USP10: variants seen among roughly 807,000 people sequenced by gnomAD.
USP10 encodes the protein ubiquitin carboxyl-terminal hydrolase 10.
Under a neutral mutation model 84.5 loss-of-function variants are expected in USP10, and 22 were observed. That is an observed-to-expected ratio of 0.26 (90% CI 0.19 to 0.37). USP10 has a LOEUF of 0.37. Among genes scored for constraint, USP10 ranks in the 10% least tolerant of loss-of-function variants. The probability of loss-of-function intolerance (pLI) is 1.00; values close to 1 mark genes in which losing one functional copy is unlikely to be tolerated. For synonymous variants in USP10, 454 were observed against 387.6 expected, an observed-to-expected ratio of 1.17 and a Z score of -2.01; for missense variants, 1,019 against 998.9, an observed-to-expected ratio of 1.02 and a Z score of -0.27.
At chr16:84,709,917 GAA>G (rs1317467299) in intron 1 of USP10, among the ~76,000 whole-genome samples, 3 of 152,130 alleles carry the variant, frequency 2.0e-5, no homozygotes, top group Non-Finnish European at 4.4e-5. Flanking sequence ...AGAGGAGAGA[GAA>G]AGAATTTGGT....
chr16:84,757,245 G>A (rs1912651758), intron 4 of USP10, among the ~76,000 whole-genome samples: 1 of 152,150 alleles, frequency 6.6e-6, no homozygotes, highest in African/African-American at 2.4e-5. Context: ...AAGAGAGAGA[G>A]GAGCTTTGCA....
intron 2 of USP10, among the ~76,000 whole-genome samples, chr16:84,734,571 G>C (rs1158901661): frequency 6.6e-6 from 1 of 152,216 alleles, no homozygotes; most frequent in African/African-American, 2.4e-5. Flanking sequence ...CATGTTAGGT[G>C]AACCCTTTTT....
intron 10 of USP10, among the ~76,000 whole-genome samples, chr16:84,767,472 T>C (rs1469775576): frequency 6.6e-6 from 1 of 152,232 alleles, no homozygotes; most frequent in Non-Finnish European, 1.5e-5. Flanking sequence ...CTTCTTCTTT[T>C]TGTAAGACAT....
chr16:84,773,496 A>G (rs1391749975), intron 12 of USP10, among the ~76,000 whole-genome samples: 2 of 152,112 alleles, frequency 1.3e-5, no homozygotes, highest in Non-Finnish European at 2.9e-5. Flanking sequence ...GCTGGCTTCT[A>G]GCCGGCTCCC....
Position 84,740,303 on chromosome 16 carries a change from G to A in USP10, c.91-6G>A. On this transcript the variant is annotated splice_region_variant and splice_polypyrimidine_tract_variant and intron_variant, in intron 2 of 13. Coordinates refer to ENST00000219473, the MANE Select transcript of USP10 (RefSeq NM_005153.3). ...ATTAAAATTTGTTTTCTGATTCCTT[G>A]TGCAGCTTCCTCCATACAGTGGAAC... is the stretch of plus-strand genomic sequence containing the variant. 1.2e-5 allele frequency: 19 copies of A among 1,607,170 alleles called. No individual in the cohort carries two copies. Among genetic ancestry groups the A allele is most frequent in the Non-Finnish European group, 1.6e-5 (19 of 1,176,716 alleles).
rs1904620081 is a variant in USP10 at position 84,700,003 on chromosome 16, TG to T, written c.-87del. ...GCGCAGGCGCGGCGGCCGATGCGAG[TG>T]TGTATGTGCGGGCGAGAAGATGGCG... On this transcript the variant is annotated 5_prime_UTR_variant, in exon 1 of 14. Transcript: ENST00000219473. 4.2e-6 allele frequency: 5 copies of T among 1,200,612 alleles called. No homozygotes were observed. The East Asian group carries it at 2.8e-4, about 67-fold the overall frequency. The allele number at this position is 1,200,612 out of a possible 1,614,324, so 74.4% of individuals were successfully genotyped here. A position where few individuals can be genotyped will look rare whatever the true frequency, so the allele number is the denominator to read the frequency against.
intron 13 of USP10, among the ~76,000 whole-genome samples, chr16:84,775,823 T>C (rs1018175214): frequency 2.0e-5 from 3 of 152,236 alleles, no homozygotes; most frequent in Admixed American, 6.5e-5. Context: ...TCATTTTTTC[T>C]GCCACATCAT....
In USP10 at chr16:84,740,201, A is replaced by G. The variant is rs144996145; in HGVS notation, c.91-108A>G. 2,462 of 958,508 alleles carry G rather than the reference A, an allele frequency of 2.6e-3. 47 individuals carry two copies. In the East Asian group the frequency reaches 0.034, roughly 13 times the overall value. The allele number at this position is 958,508 out of a possible 1,614,324, so 59.4% of individuals were successfully genotyped here. A position where few individuals can be genotyped will look rare whatever the true frequency, so the allele number is the denominator to read the frequency against. ...TATTCTGCTAGAAGTAACGGCATGC[A>G]AAGTTGTATGGATTAAGAGTTTTAA... On this transcript the variant is annotated intron_variant, in intron 2 of 13. Coordinates refer to ENST00000219473, the MANE Select transcript of USP10 (RefSeq NM_005153.3).
At chr16:84,723,116 C>A in intron 1 of USP10, among the ~76,000 whole-genome samples, 1 of 150,212 alleles carries the variant, frequency 6.7e-6, no homozygotes, top group Non-Finnish European at 1.5e-5. Flanking sequence ...AAGGATTGAC[C>A]GGCTCCGATA....
At chr16:84,731,503 G>C (rs189160216) in intron 1 of USP10, among the ~76,000 whole-genome samples, 52 of 151,768 alleles carry the variant, frequency 3.4e-4, no homozygotes, top group Admixed American at 2.8e-3. Flanking sequence ...GAATTCTTAA[G>C]CAGTTTCCTT....
chr16:84,738,762 T>TA (rs915025186), intron 2 of USP10, among the ~76,000 whole-genome samples: 2 of 152,232 alleles, frequency 1.3e-5, no homozygotes, highest in Non-Finnish European at 2.9e-5. Flanking sequence ...GAAGAGAACT[T>TA]ACTGCGTTAC....
At chr16:84,757,402 G>GGGTGTGTGTGTGTGTGT (rs1912701298) in intron 4 of USP10, among the ~76,000 whole-genome samples, 1 of 82,810 alleles carries the variant, frequency 1.2e-5, no homozygotes, top group African/African-American at 5.4e-5. Flanking sequence ...GAGGGGTGGG[G>GGGTGTGTGTGTGTGTGT]GTGTGTGTGT....
In USP10 at chr16:84,759,344, C is replaced by G; in HGVS notation, c.1285-19C>G. 6 of 1,610,662 alleles carry G rather than the reference C, an allele frequency of 3.7e-6. No individual in the cohort carries two copies. Among genetic ancestry groups the G allele is most frequent in the Non-Finnish European group, 5.1e-6 (6 of 1,176,892 alleles). ...GTGTCTGTTCATTTCCTTTACGCTT[C>G]CTTACTGCCACTACATAGACACTGC... On this transcript the variant is annotated intron_variant, in intron 5 of 13. Coordinates refer to ENST00000219473, the MANE Select transcript of USP10 (RefSeq NM_005153.3).
chr16:84,739,550 G>C (rs1459409976), intron 2 of USP10, among the ~76,000 whole-genome samples: 1 of 152,136 alleles, frequency 6.6e-6, no homozygotes, highest in Non-Finnish European at 1.5e-5. Context: ...TGGGATTACA[G>C]GCATGAGCCA....
At chr16:84,775,390 T>C (rs1467134973) in intron 13 of USP10, among the ~76,000 whole-genome samples, 165 bp downstream of exon 13, 1 of 152,182 alleles carries the variant, frequency 6.6e-6, no homozygotes, top group Non-Finnish European at 1.5e-5. Flanking sequence ...CCTGAAACTC[T>C]GCGTAGATGA....
intron 3 of USP10, among the ~76,000 whole-genome samples, chr16:84,741,911 A>G (rs1346083980): frequency 6.6e-6 from 1 of 152,126 alleles, no homozygotes; most frequent in Non-Finnish European, 1.5e-5. Context: ...CGCCTGTAGT[A>G]TCTGGAATGT....
intron 4 of USP10, among the ~76,000 whole-genome samples, chr16:84,755,557 A>T (rs184187163): frequency 9.2e-5 from 14 of 152,008 alleles, no homozygotes; most frequent in African/African-American, 3.1e-4. Context: ...AATCTGTTGA[A>T]CCCAGGAGGT....
chr16:84,729,388 C>T (rs1363755197), intron 1 of USP10, among the ~76,000 whole-genome samples: 2 of 152,156 alleles, frequency 1.3e-5, no homozygotes, highest in African/African-American at 4.8e-5. Context: ...TTGTCTTTTA[C>T]TGACATTTGA....
intron 8 of USP10, among the ~76,000 whole-genome samples, chr16:84,760,998 C>T (rs762071614): frequency 5.9e-5 from 9 of 152,276 alleles, no homozygotes; most frequent in Middle Eastern, 3.4e-3. Context: ...GAGTGAATGT[C>T]GAGGGCATCG....
Sources: allele counts gnomAD v4.1 joint callset (sites outside exome capture counted in the v4.1 genomes callset), GRCh38; gene constraint gnomAD v4.1.1; transcripts MANE v1.5; gene names NCBI Gene and HGNC (gene_info 2026-07-23, HGNC 2026-07-21).